ADGRB3: variants seen among roughly 807,000 people sequenced by gnomAD.
ADGRB3 encodes the protein adhesion G protein-coupled receptor B3.
Under a neutral mutation model 193.4 loss-of-function variants are expected in ADGRB3, and 37 were observed. The observed-to-expected ratio is 0.19, with a 90% CI of 0.15 to 0.25. The LOEUF is 0.25. Among genes scored for constraint, ADGRB3 ranks in the 10% least tolerant of loss-of-function variants. The probability of loss-of-function intolerance (pLI) is 1.00; values close to 1 mark genes in which losing one functional copy is unlikely to be tolerated. For missense variants in ADGRB3, 1,637 were observed against 1,852.9 expected (o/e 0.88, Z 2.14); for synonymous variants, 690 against 644.2 (o/e 1.07, Z -1.08).
chr6:69,350,298 C>CTT (rs11420945), intron 26 of ADGRB3, among the ~76,000 whole-genome samples: 13,739 of 146,674 alleles, frequency 0.094, 700 homozygotes, highest in Non-Finnish European at 0.12. Flanking sequence ...TCTCGCCATT[C>CTT]TTTTTTTTTT....
At chr6:68,833,486 C>G (rs1331103036) in intron 3 of ADGRB3, among the ~76,000 whole-genome samples, 1 of 150,138 alleles carries the variant, frequency 6.7e-6, no homozygotes, top group Non-Finnish European at 1.5e-5. Flanking sequence ...AATCATTGAA[C>G]TAAAATGTTA....
At chr6:68,990,733 A>G (rs1769215675) in intron 10 of ADGRB3, among the ~76,000 whole-genome samples, 1 of 152,184 alleles carries the variant, frequency 6.6e-6, no homozygotes, top group African/African-American at 2.4e-5. Flanking sequence ...GGATATCTGT[A>G]CAAGTTAAAT....
intron 11 of ADGRB3, among the ~76,000 whole-genome samples, chr6:69,001,953 T>C (rs1458839657): frequency 6.6e-6 from 1 of 152,230 alleles, no homozygotes; most frequent in Non-Finnish European, 1.5e-5. Flanking sequence ...GTATTCTCCA[T>C]TATTTTTTAT....
chr6:69,116,170 A>G (rs1027742202), intron 17 of ADGRB3, among the ~76,000 whole-genome samples: 6 of 152,204 alleles, frequency 3.9e-5, no homozygotes, highest in Non-Finnish European at 7.4e-5. Context: ...AAGGCCTTCA[A>G]CTGGTTAGAT....
chr6:69,180,864 T>C (rs781241322), intron 17 of ADGRB3, among the ~76,000 whole-genome samples: 90 of 152,310 alleles, frequency 5.9e-4, no homozygotes, highest in Admixed American at 8.5e-4. Context: ...ACAGAATGGC[T>C]GATTTTGTAT....
chr6:69,232,303 G>A, intron 17 of ADGRB3: 5 of 767,630 alleles, frequency 6.5e-6, no homozygotes, highest in Non-Finnish European at 9.4e-6. Flanking sequence ...TTCCTGTAGT[G>A]TAGTTCTGCT....
chr6:68,855,227 T>C (rs989535181), intron 3 of ADGRB3, among the ~76,000 whole-genome samples: 1 of 152,314 alleles, frequency 6.6e-6, no homozygotes, highest in African/African-American at 2.4e-5. Context: ...GCAATGGTGA[T>C]TGTTTCCCAG....
At chr6:68,746,862 T>C (rs1766095557) in intron 3 of ADGRB3, among the ~76,000 whole-genome samples, 1 of 152,214 alleles carries the variant, frequency 6.6e-6, no homozygotes, top group Non-Finnish European at 1.5e-5. Context: ...CTTAGTCCCA[T>C]AGTCCATTTG....
chr6:68,672,731 T>G (rs141639598), intron 3 of ADGRB3, among the ~76,000 whole-genome samples: 1 of 152,094 alleles, frequency 6.6e-6, no homozygotes, highest in Non-Finnish European at 1.5e-5. Flanking sequence ...GGTCAAACAC[T>G]AGTCTAGATG....
At chr6:69,343,634 T>G (rs999339464) in intron 26 of ADGRB3, among the ~76,000 whole-genome samples, 3 of 152,116 alleles carry the variant, frequency 2.0e-5, no homozygotes, top group Admixed American at 2.0e-4. Flanking sequence ...TTTATAAAAT[T>G]TATATTCTTG....
intron 13 of ADGRB3, among the ~76,000 whole-genome samples, chr6:69,029,284 T>G (rs1163230514): frequency 6.6e-6 from 1 of 152,150 alleles, no homozygotes; most frequent in Non-Finnish European, 1.5e-5. Flanking sequence ...TTTGAAAATT[T>G]GAAACTTTTT....
At chr6:68,822,654 T>C (rs1767768123) in intron 3 of ADGRB3, among the ~76,000 whole-genome samples, 1 of 151,994 alleles carries the variant, frequency 6.6e-6, no homozygotes, top group Admixed American at 6.6e-5. Flanking sequence ...AGCAAAGGAC[T>C]ATAGCTCAAC....
intron 17 of ADGRB3, among the ~76,000 whole-genome samples, chr6:69,186,073 C>T (rs1406693145): frequency 6.6e-6 from 1 of 150,616 alleles, no homozygotes; most frequent in Non-Finnish European, 1.5e-5. Context: ...GAGGTTTGTT[C>T]TGACATGGAG....
chr6:68,850,073 C>T (rs925965555), intron 3 of ADGRB3, among the ~76,000 whole-genome samples: 6 of 151,744 alleles, frequency 4.0e-5, no homozygotes, highest in Non-Finnish European at 5.9e-5. Context: ...GGCATGTTAT[C>T]GTTTACATTG....
At chr6:69,017,316 G>A (rs754727094) in intron 12 of ADGRB3, among the ~76,000 whole-genome samples, 2 of 151,752 alleles carry the variant, frequency 1.3e-5, no homozygotes, top group Non-Finnish European at 2.9e-5. Flanking sequence ...TAGTCTTTGC[G>A]ATTACAAAGC....
chr6:69,004,395 ATCC>A (rs1769679206), intron 11 of ADGRB3, among the ~76,000 whole-genome samples: 1 of 146,528 alleles, frequency 6.8e-6, no homozygotes, highest in Admixed American at 6.8e-5. Context: ...GTGTTCTAAT[ATCC>A]TCTTCTTTTT....
chr6:69,310,121 A>G (rs570299374), intron 20 of ADGRB3, among the ~76,000 whole-genome samples: 6 of 151,866 alleles, frequency 4.0e-5, no homozygotes, highest in African/African-American at 1.4e-4. Flanking sequence ...ATAAAACACT[A>G]TACTTAAAAT....
chr6:69,033,263 ATTC>A (rs1277304786), intron 13 of ADGRB3, among the ~76,000 whole-genome samples: 1 of 152,102 alleles, frequency 6.6e-6, no homozygotes, highest in Admixed American at 6.5e-5. Flanking sequence ...TTAAAAAGCT[ATTC>A]TTCTTTGTAG....
chr6:68,766,381 G>A (rs925083312), intron 3 of ADGRB3, among the ~76,000 whole-genome samples: 4 of 151,784 alleles, frequency 2.6e-5, no homozygotes, highest in Non-Finnish European at 4.4e-5. Context: ...AGGACCATAC[G>A]TATATTGACC....
Sources: gnomAD v4.1 joint callset for allele counts (sites outside exome capture counted in the v4.1 genomes callset) on GRCh38, gnomAD v4.1.1 for gene constraint, MANE v1.5 for transcripts, NCBI Gene and HGNC (gene_info 2026-07-23, HGNC 2026-07-21) for gene names.